Variants in EYA4 observed in about 807,000 individuals in gnomAD.
EYA4 encodes EYA transcriptional coactivator and phosphatase 4.
EYA4 carries 31 observed loss-of-function variants against 87.9 expected under a neutral mutation model. That is an observed-to-expected ratio of 0.35 (90% confidence interval 0.27 to 0.48). EYA4 has a LOEUF of 0.48. Ranked by LOEUF, EYA4 falls within the 20% of genes least tolerant of loss-of-function variation. The pLI is 0.99. For missense variants in EYA4, 678 were observed against 761.4 expected (o/e 0.89, Z 1.29); for synonymous variants, 263 against 270.6 (o/e 0.97, Z 0.28).
intron 17 of EYA4, among the ~76,000 whole-genome samples, chr6:133,517,449 C>T (rs1562511184): frequency 6.6e-6 from 1 of 151,268 alleles, no homozygotes; most frequent in South Asian, 2.1e-4. Context: ...AAAAAGCATG[C>T]TTAATAAATG....
rs111616081 is a variant in EYA4 at position 133,483,358 on chromosome 6, C to G, written c.1191+243C>G. Among the ~76,000 whole-genome samples, 52 of 152,026 alleles carry G rather than the reference C, an allele frequency of 3.4e-4. 1 individual carries two copies. Among genetic ancestry groups the G allele is most frequent in the African/African-American group, 1.2e-3 (51 of 41,502 alleles). ...AGGACTGAGTTTTCTACATCAAGAC[C>G]AAGCTTCTTAGTCTCACATAATTAT... On this transcript the variant is annotated intron_variant, in intron 13 of 19. Coordinates refer to ENST00000355286, the MANE Select transcript of EYA4 (RefSeq NM_004100.5).
At chr6:133,318,015 A>G in intron 2 of EYA4, among the ~76,000 whole-genome samples, 1 of 152,158 alleles carries the variant, frequency 6.6e-6, no homozygotes, top group East Asian at 1.9e-4. Context: ...CCTTTATCTC[A>G]TAATGAAACT....
intron 2 of EYA4, among the ~76,000 whole-genome samples, chr6:133,370,442 T>G (rs1037456258): frequency 6.6e-6 from 1 of 152,216 alleles, no homozygotes; most frequent in African/African-American, 2.4e-5. Context: ...ACAAGGATGA[T>G]AGAAGAAACT....
chr6:133,303,272 T>C (rs9375955), intron 2 of EYA4, among the ~76,000 whole-genome samples: 18,116 of 152,282 alleles, frequency 0.12, 1,360 homozygotes, highest in Non-Finnish European at 0.17. Flanking sequence ...ATTTTATATT[T>C]GGTAGGACTA....
chr6:133,295,440 A>C (rs1023140265), intron 2 of EYA4, among the ~76,000 whole-genome samples: 1 of 152,290 alleles, frequency 6.6e-6, no homozygotes, highest in Non-Finnish European at 1.5e-5. Flanking sequence ...TTGCTCAGAG[A>C]CTGTTAAGGA....
intron 3 of EYA4, among the ~76,000 whole-genome samples, chr6:133,409,971 G>A (rs1156563392): frequency 6.6e-6 from 1 of 152,102 alleles, no homozygotes; most frequent in African/African-American, 2.4e-5. Flanking sequence ...TAAAATTTCT[G>A]TTCCCTTCTT....
chr6:133,408,784 A>G (rs1034100860), intron 3 of EYA4, among the ~76,000 whole-genome samples: 3 of 152,192 alleles, frequency 2.0e-5, no homozygotes, highest in Non-Finnish European at 2.9e-5. Flanking sequence ...ATGATTATTC[A>G]TGGTATTCAC....
Position 133,414,714 on chromosome 6 carries a change from C to T in EYA4, c.84-31916C>T, listed in dbSNP as rs79538173. Among the ~76,000 whole-genome samples the T allele has an allele frequency of 1.6e-4, 25 of 152,310 alleles. No homozygotes were observed. The East Asian group carries it at 4.8e-3, about 29-fold the overall frequency. ...TTTGTTTTCCATTTCCCAGGGAGCA[C>T]TGTCTCATGCTGCCTGATGTTCAAT... On this transcript the variant is annotated intron_variant, in intron 3 of 19. Coordinates refer to ENST00000355286, the MANE Select transcript of EYA4 (RefSeq NM_004100.5).
chr6:133,259,272 A>G (rs1314706518), intron 1 of EYA4, among the ~76,000 whole-genome samples: 4 of 152,218 alleles, frequency 2.6e-5, no homozygotes, highest in Non-Finnish European at 5.9e-5. Context: ...TAGGAATGAC[A>G]GGAATGACAG....
chr6:133,320,509 T>G (rs981964715), intron 2 of EYA4, among the ~76,000 whole-genome samples: 8 of 152,074 alleles, frequency 5.3e-5, no homozygotes, highest in African/African-American at 1.9e-4. Flanking sequence ...CCTGTTGCAT[T>G]CTCATGGATT....
rs57965653 is a variant in EYA4 at position 133,286,913 on chromosome 6, G to A, written c.33+12100G>A. Among the ~76,000 whole-genome samples the A allele has an allele frequency of 2.0e-5, 3 of 151,974 alleles. No individual in the cohort carries two copies. The South Asian group carries it at 6.2e-4, about 32-fold the overall frequency. On this transcript the variant is annotated intron_variant, in intron 2 of 19. Coordinates refer to ENST00000355286, the MANE Select transcript of EYA4 (RefSeq NM_004100.5). ...AAATTCTTTGTAGTGTTGGGGAGGGGTGCTGTCCTGTACATTGTGTTATTT... is the reference window on the plus strand; with the variant it reads ...AAATTCTTTGTAGTGTTGGGGAGGGATGCTGTCCTGTACATTGTGTTATTT...
Position 133,448,168 on chromosome 6 carries a change from C to T in EYA4, c.266C>T (p.Ser89Phe). The T allele has an allele frequency of 6.2e-7, 1 of 1,612,748 alleles. No individual in the cohort carries two copies. The highest frequency in any genetic ancestry group is 8.5e-7 in the Non-Finnish European group (1 of 1,178,740). Residue 89 changes from serine to phenylalanine, a missense_variant, in exon 5 of 20, where the codon TCT (serine) becomes TTT (phenylalanine). Ser to Phe is a radical substitution (Grantham distance 155). Transcript: ENST00000355286. ...ADWLLSCNTP[S>F]SATMSLLAVK... ...TGGTTGCTGAGTTGCAACACCCCCT[C>T]TTCTGCAACAAGTATGAGAGATGCT...
chr6:133,415,284 T>C (rs1001226335), intron 3 of EYA4, among the ~76,000 whole-genome samples: 1 of 152,212 alleles, frequency 6.6e-6, no homozygotes, highest in Non-Finnish European at 1.5e-5. Context: ...TCTTTTTACC[T>C]ATCTTCTTTT....
Position 133,428,911 on chromosome 6 carries a change from C to CTTTTTTTTTTTTTTTTTTTTTTTT in EYA4, c.84-17711_84-17688dup, listed in dbSNP as rs58727159. Among the ~76,000 whole-genome samples, 15 of 48,230 alleles carry CTTTTTTTTTTTTTTTTTTTTTTTT rather than the reference C, an allele frequency of 3.1e-4. 5 individuals carry two copies. Among genetic ancestry groups the CTTTTTTTTTTTTTTTTTTTTTTTT allele is most frequent in the Admixed American group, 1.2e-3 (3 of 2,500 alleles). 31.6% of individuals were successfully genotyped at this position (48,230 alleles called of 152,430 possible). A position where few individuals can be genotyped will look rare whatever the true frequency, so the allele number is the denominator to read the frequency against. ...CTGGGGCTGAGGGTAGATTTAGCTT[C>CTTTTTTTTTTTTTTTTTTTTTTTT]TTTTTTTTTTTTTTTTTTTTTTTTT... is the stretch of plus-strand genomic sequence containing the variant. On this transcript the variant is annotated intron_variant, in intron 3 of 19. Coordinates refer to ENST00000355286, the MANE Select transcript of EYA4 (RefSeq NM_004100.5).
intron 2 of EYA4, among the ~76,000 whole-genome samples, chr6:133,340,310 G>A (rs751688896): frequency 1.1e-4 from 17 of 152,148 alleles, no homozygotes; most frequent in Non-Finnish European, 1.5e-5. Flanking sequence ...ATTGATTTTG[G>A]ACTATCCCTC....
chr6:133,260,007 T>TA (rs1436803115), intron 1 of EYA4, among the ~76,000 whole-genome samples: 2 of 152,304 alleles, frequency 1.3e-5, no homozygotes, highest in East Asian at 1.9e-4. Context: ...TTGTTTCTTG[T>TA]AAAAAAATTC....
At chr6:133,249,833 A>G (rs1774742217) in intron 1 of EYA4, among the ~76,000 whole-genome samples, 1 of 152,222 alleles carries the variant, frequency 6.6e-6, no homozygotes, top group Admixed American at 6.5e-5. Context: ...TCCAGCTTCT[A>G]CATTTAACAT....
At chr6:133,240,806 T>C (rs895608007), upstream of EYA4, 8 of 152,454 alleles carry the variant, frequency 5.2e-5, no homozygotes, top group African/African-American at 1.9e-4. Context: ...TTGTTGCAAG[T>C]AGGCGAAGTC....
chr6:133,390,742 G>A (rs1432206409), intron 3 of EYA4, among the ~76,000 whole-genome samples: 1 of 152,096 alleles, frequency 6.6e-6, no homozygotes, highest in Non-Finnish European at 1.5e-5. Context: ...GAACTCTGTG[G>A]CCACCCAAGG....
Sources: gnomAD v4.1 joint callset for allele counts (sites outside exome capture counted in the v4.1 genomes callset) on GRCh38, gnomAD v4.1.1 for gene constraint, MANE v1.5 for transcripts, NCBI Gene and HGNC (gene_info 2026-07-23, HGNC 2026-07-21) for gene names.